The following TBC1D2B variants were observed in gnomAD, a reference collection of about 807,000 sequenced individuals.
TBC1D2B encodes the protein TBC1 domain family, member 2B.
A neutral mutation model predicts 100.8 loss-of-function variants in TBC1D2B; 64 were observed. The ratio of observed to expected loss-of-function variants is 0.64; its 90% CI spans 0.52 to 0.78. The LOEUF (loss-of-function observed/expected upper bound fraction) is 0.78, where lower values mean the gene tolerates loss of function less well. Ranked by LOEUF, TBC1D2B falls within the 30% of genes least tolerant of loss-of-function variation. The pLI is 0.00. For missense variants in TBC1D2B, 1,052 were observed against 1,218.4 expected, an observed-to-expected ratio of 0.86 and a Z score of 2.03; for synonymous variants, 480 against 479.7, an observed-to-expected ratio of 1.00 and a Z score of -0.01.
chr15:78,077,269 C>A lies in TBC1D2B; in HGVS notation c.360+24G>T, dbSNP rs553113478. The stretch of plus-strand genomic sequence containing the variant: ...GGGGACGCCGGCGGAAGCGCGCGGG[C>A]GGCTTTGGGGCGAGCGGTCCCACCT... On this transcript the variant is annotated intron_variant, in intron 1 of 12. Transcript: ENST00000300584. The A allele has an allele frequency of 4.3e-6, 6 of 1,409,378 alleles. No homozygotes were observed. In the Admixed American group the frequency reaches 9.9e-5, roughly 23 times the overall value. 87.3% of individuals were successfully genotyped at this position (1,409,378 alleles called of 1,614,324 possible). A position where few individuals can be genotyped will look rare whatever the true frequency, so the allele number is the denominator to read the frequency against.
intron 3 of TBC1D2B, among the ~76,000 whole-genome samples, chr15:78,032,016 C>T (rs1317480493): frequency 6.6e-6 from 1 of 152,180 alleles, no homozygotes; most frequent in Admixed American, 6.5e-5. Context: ...GCAGTTGCAG[C>T]TCATAGAGCA....
In TBC1D2B at chr15:77,996,693, C is replaced by T. The variant is rs1189667443; in HGVS notation, c.*1467G>A. 2 of 152,184 alleles carry T rather than the reference C, an allele frequency of 1.3e-5. No individual in the cohort carries two copies. The highest frequency in any genetic ancestry group is 6.5e-5 in the Admixed American group (1 of 15,274). 9.4% of individuals were successfully genotyped at this position (152,184 alleles called of 1,614,324 possible). A position where few individuals can be genotyped will look rare whatever the true frequency, so the allele number is the denominator to read the frequency against. On this transcript the variant is annotated 3_prime_UTR_variant, in exon 13 of 13. Transcript: ENST00000300584. ...AACACCAACTTTGCCGTGGCATTGC[C>T]AAAAAGTTGACAGCAAAAAATAGGA...
intron 3 of TBC1D2B, among the ~76,000 whole-genome samples, chr15:78,034,181 A>AC (rs1219959507): frequency 1.3e-5 from 2 of 152,228 alleles, no homozygotes; most frequent in East Asian, 3.8e-4. Context: ...CCCCATGGTA[A>AC]CCCAATGAGC....
chr15:78,062,164 A>ATAAGAG (rs2073560372), intron 1 of TBC1D2B, among the ~76,000 whole-genome samples: 1 of 152,254 alleles, frequency 6.6e-6, no homozygotes, highest in Non-Finnish European at 1.5e-5. Context: ...GTCACTGATT[A>ATAAGAG]TAAGAGGGCT....
rs1430578363 is a variant in TBC1D2B at position 78,016,750 on chromosome 15, T to C, written c.1582-11A>G. ...TTCCAGGCTAGAATACTGCAGAGAATGTGGTGGTTACCTCCATTCAGACAG... is the reference window on the plus strand; with the variant it reads ...TTCCAGGCTAGAATACTGCAGAGAACGTGGTGGTTACCTCCATTCAGACAG... On this transcript the variant is annotated splice_polypyrimidine_tract_variant and intron_variant, in intron 7 of 12. Coordinates refer to ENST00000300584, the MANE Select transcript of TBC1D2B (RefSeq NM_144572.2). 1 of 1,514,686 alleles carries C rather than the reference T, an allele frequency of 6.6e-7. No homozygotes were observed. The allele number at this position is 1,514,686 out of a possible 1,614,324, so 93.8% of individuals were successfully genotyped here.
At chr15:78,056,024 A>C (rs149166813) in intron 1 of TBC1D2B, among the ~76,000 whole-genome samples, 2 of 152,230 alleles carry the variant, frequency 1.3e-5, no homozygotes, top group Admixed American at 1.3e-4. Flanking sequence ...CAAAAGCTTC[A>C]AAGTATAGGT....
At position 78,008,979 on chromosome 15, in the gene TBC1D2B, C is replaced by T. The variant is rs201190848; in HGVS notation, c.2388+18G>A. 1.3e-6 allele frequency: 2 copies of T among 1,534,112 alleles called. No individual in the cohort carries two copies. The highest frequency in any genetic ancestry group is 2.4e-5 in the East Asian group (1 of 42,506). ...AATTCTAAAAGTGGTGACTAAAACA[C>T]AGAATTTTCAGAACTACCTGGGATC... On this transcript the variant is annotated intron_variant, in intron 10 of 12. Coordinates refer to ENST00000300584, the MANE Select transcript of TBC1D2B (RefSeq NM_144572.2).
chr15:78,077,263 C>A (rs544367420), intron 1 of TBC1D2B, 30 bp downstream of exon 1: 7 of 1,405,942 alleles, frequency 5.0e-6, no homozygotes, highest in Non-Finnish European at 6.4e-6. Context: ...GGCGGAAGCG[C>A]GCGGGCGGCT....
Position 78,038,966 on chromosome 15 carries a change from G to T in TBC1D2B, c.683+5934C>A, listed in dbSNP as rs186854850. 2.3e-3 allele frequency among the ~76,000 whole-genome samples: 349 copies of T among 152,216 alleles called. 3 individuals carry two copies. The highest frequency in any genetic ancestry group is 8.0e-3 in the African/African-American group (333 of 41,532). On this transcript the variant is annotated intron_variant, in intron 3 of 12. Coordinates refer to ENST00000300584, the MANE Select transcript of TBC1D2B (RefSeq NM_144572.2). Reference sequence around the variant, plus strand: ...CTAAGCACGACTTCATGCTCCTGGGGGCTATCAGAAAAGACCAGGTGCCAT... The same window carrying T: ...CTAAGCACGACTTCATGCTCCTGGGTGCTATCAGAAAAGACCAGGTGCCAT...
intron 1 of TBC1D2B, among the ~76,000 whole-genome samples, chr15:78,069,111 C>T (rs117557926): frequency 1.3e-5 from 2 of 152,126 alleles, no homozygotes; most frequent in Admixed American, 6.5e-5. Flanking sequence ...AGCAACTGAT[C>T]GAGGAGACTG....
intron 3 of TBC1D2B, among the ~76,000 whole-genome samples, chr15:78,036,683 A>G (rs2072953118): frequency 6.6e-6 from 1 of 152,196 alleles, no homozygotes; most frequent in African/African-American, 2.4e-5. Flanking sequence ...AGTGAAGCTG[A>G]GTTTGAATTT....
chr15:78,019,707 G>A (rs1432896334), intron 6 of TBC1D2B, among the ~76,000 whole-genome samples: 3 of 146,984 alleles, frequency 2.0e-5, no homozygotes, highest in Non-Finnish European at 3.1e-5. Flanking sequence ...GGCTAACATG[G>A]CGAAACCCTG....
Position 78,001,722 on chromosome 15 carries a change from G to T in TBC1D2B, c.2593C>A (p.Leu865Met). The T allele has an allele frequency of 6.2e-7, 1 of 1,607,704 alleles. No homozygotes were observed. The highest frequency in any genetic ancestry group is 1.1e-5 in the South Asian group (1 of 89,666). Residue 865 changes from leucine to methionine, a missense_variant, in exon 12 of 13, where the codon CTG becomes ATG. Physicochemically the swap from Leu to Met is conservative, Grantham distance 15 (BLOSUM62 2). Coordinates refer to ENST00000300584, the MANE Select transcript of TBC1D2B (RefSeq NM_144572.2). ...TCTTCCTTGTACTTAAAAAGTGCCA[G>T]AGCAAAACGGAAAATAACCTGTGGA... ...EGPKVIFRFA[L>M]ALFKYKEEEI...
In TBC1D2B at chr15:77,996,514, C is replaced by G. The variant is rs2071763194; in HGVS notation, c.*1646G>C. On this transcript the variant is annotated 3_prime_UTR_variant, in exon 13 of 13. Coordinates refer to ENST00000300584, the MANE Select transcript of TBC1D2B (RefSeq NM_144572.2). ...AGGAGTCAGACCTCAAACTGCTGCT[C>G]TCAAAGACAAAGACAATGACAAAAC... is the stretch of plus-strand genomic sequence containing the variant. 1 of 152,160 alleles carries G rather than the reference C, an allele frequency of 6.6e-6. No individual in the cohort carries two copies. Among genetic ancestry groups the G allele is most frequent in the Non-Finnish European group, 1.5e-5 (1 of 68,030 alleles). 9.4% of individuals were successfully genotyped at this position (152,160 alleles called of 1,614,324 possible).
At chr15:78,038,553 A>T (rs1484870761) in intron 3 of TBC1D2B, among the ~76,000 whole-genome samples, 3 of 152,198 alleles carry the variant, frequency 2.0e-5, no homozygotes, top group African/African-American at 7.2e-5. Context: ...CTTCAGCCTA[A>T]GGCAATGAGA....
rs72732538 is a variant in TBC1D2B at position 78,000,629 on chromosome 15, C to T, written c.2696+990G>A. Among the ~76,000 whole-genome samples, 24 of 152,284 alleles carry T rather than the reference C, an allele frequency of 1.6e-4. No individual in the cohort carries two copies. The East Asian group carries it at 3.5e-3, about 22-fold the overall frequency. On this transcript the variant is annotated intron_variant, in intron 12 of 12. Transcript: ENST00000300584. Reference sequence around the variant, plus strand: ...CAATAAAAGACTCTAAAAATAGCGACGACCTCCAGGAAGCCTGGCATGGCC... The same window carrying T: ...CAATAAAAGACTCTAAAAATAGCGATGACCTCCAGGAAGCCTGGCATGGCC...
At chr15:78,054,250 T>A (rs773266697) in intron 1 of TBC1D2B, 63 bp from the exon 2 acceptor site, 3 of 1,510,420 alleles carry the variant, frequency 2.0e-6, no homozygotes, top group Non-Finnish European at 2.7e-6. Flanking sequence ...TTAAAAAATA[T>A]TATGTCTCAT....
At chr15:78,003,972 C>T (rs1296350350) in intron 10 of TBC1D2B, among the ~76,000 whole-genome samples, 2 of 152,160 alleles carry the variant, frequency 1.3e-5, no homozygotes, top group Non-Finnish European at 1.5e-5. Context: ...GTGGGGGTGG[C>T]GAGGACTCCG....
At chr15:78,031,051 T>G (rs2072795290) in intron 3 of TBC1D2B, among the ~76,000 whole-genome samples, 1 of 152,206 alleles carries the variant, frequency 6.6e-6, no homozygotes, top group South Asian at 2.1e-4. Flanking sequence ...GGGATAAACA[T>G]TTTTTAAACA....
Sources: allele counts gnomAD v4.1 joint callset (sites outside exome capture counted in the v4.1 genomes callset), GRCh38; gene constraint gnomAD v4.1.1; transcripts MANE v1.5; gene names NCBI Gene and HGNC (gene_info 2026-07-23, HGNC 2026-07-21).